The following SVIL variants were observed in gnomAD, a reference collection of about 807,000 sequenced individuals.
The protein encoded by SVIL is archvillin.
SVIL carries 101 observed loss-of-function variants against 240.4 expected under a neutral mutation model. That is an observed-to-expected ratio of 0.42 (90% CI 0.36 to 0.50). The LOEUF is 0.50. Among genes scored for constraint, SVIL ranks in the 20% least tolerant of loss-of-function variants. The probability of loss-of-function intolerance (pLI) is 0.01; values close to 1 mark genes in which losing one functional copy is unlikely to be tolerated. For missense variants in SVIL, 2,512 were observed against 2,818.7 expected, an observed-to-expected ratio of 0.89 and a Z score of 2.46; for synonymous variants, 999 against 1,100.0, an observed-to-expected ratio of 0.91 and a Z score of 1.82.
intron 17 of SVIL, among the ~76,000 whole-genome samples, chr10:29,507,526 C>A (rs1483077300): frequency 6.7e-6 from 1 of 149,788 alleles, no homozygotes; most frequent in Non-Finnish European, 1.5e-5. Context: ...CTTATAGACA[C>A]ACACACTCAC....
intron 1 of SVIL, among the ~76,000 whole-genome samples, chr10:29,725,720 G>A (rs1413244828): frequency 6.6e-6 from 1 of 152,138 alleles, no homozygotes; most frequent in African/African-American, 2.4e-5. Flanking sequence ...TCAGGCTGAT[G>A]GCCAGTTTCC....
chr10:29,630,513 G>T lies in SVIL; in HGVS notation c.-201+3907C>A, dbSNP rs954476287. On this transcript the variant is annotated intron_variant, in intron 1 of 37. Transcript: ENST00000355867. ...GAGATCAACAGTGCAAACTGCTCCT[G>T]AGATGTGTGACCCAAGTTGAAGTTG... 7.9e-5 allele frequency among the ~76,000 whole-genome samples: 12 copies of T among 152,130 alleles called. No homozygotes were observed. The East Asian group carries it at 2.3e-3, about 29-fold the overall frequency.
intron 1 of SVIL, among the ~76,000 whole-genome samples, chr10:29,571,503 CTAAGT>C (rs1034224169): frequency 6.6e-5 from 10 of 152,108 alleles, no homozygotes; most frequent in African/African-American, 2.2e-4. Flanking sequence ...CTGGCTTTGG[CTAAGT>C]TAAGTGAAGT....
chr10:29,714,697 T>C (rs1453125884), intron 1 of SVIL, among the ~76,000 whole-genome samples: 1 of 152,084 alleles, frequency 6.6e-6, no homozygotes, highest in Non-Finnish European at 1.5e-5. Context: ...TGGTGACTCA[T>C]GCCTGTAATC....
At chr10:29,720,711 A>T (rs1963919532) in intron 1 of SVIL, among the ~76,000 whole-genome samples, 1 of 152,246 alleles carries the variant, frequency 6.6e-6, no homozygotes, top group African/African-American at 2.4e-5. Flanking sequence ...TTAATCACAT[A>T]TGTAAAAGTA....
intron 18 of SVIL, among the ~76,000 whole-genome samples, chr10:29,495,541 A>C (rs1475913382): frequency 1.3e-5 from 2 of 152,240 alleles, no homozygotes. Context: ...TGCCATCTGC[A>C]GAATGAGCTG....
intron 1 of SVIL, among the ~76,000 whole-genome samples, chr10:29,612,532 C>A (rs747622075): frequency 3.3e-5 from 5 of 152,072 alleles, no homozygotes; most frequent in Non-Finnish European, 5.9e-5. Flanking sequence ...GCAGTGCTGT[C>A]CTCCCAGGGT....
In SVIL at chr10:29,719,730, A is replaced by G. The variant is rs147787407; in HGVS notation, c.-400+16021T>C. Among the ~76,000 whole-genome samples, 837 of 152,334 alleles carry G rather than the reference A, an allele frequency of 5.5e-3. 10 individuals carry two copies. Among genetic ancestry groups the G allele is most frequent in the African/African-American group, 0.019 (801 of 41,572 alleles). On this transcript the variant is annotated intron_variant, in intron 1 of 35. Transcript: ENST00000375400. ...GCAGGTAGACATTTCAGAAGAAAAGACTATTGAACTTGAAGACATAGCAAT... is the reference window on the plus strand; with the variant it reads ...GCAGGTAGACATTTCAGAAGAAAAGGCTATTGAACTTGAAGACATAGCAAT...
chr10:29,612,478 C>T (rs1040002280), intron 1 of SVIL, among the ~76,000 whole-genome samples: 7 of 152,056 alleles, frequency 4.6e-5, no homozygotes, highest in African/African-American at 9.7e-5. Context: ...ATCACTTGCA[C>T]GCTGATAAAG....
chr10:29,596,088 C>T (rs1171325842), intron 1 of SVIL, among the ~76,000 whole-genome samples: 2 of 152,230 alleles, frequency 1.3e-5, no homozygotes. Flanking sequence ...GCACCACACA[C>T]CCCTTCTCCT....
intron 2 of SVIL, among the ~76,000 whole-genome samples, chr10:29,679,892 A>G (rs1303778192): frequency 6.6e-6 from 1 of 151,904 alleles, no homozygotes; most frequent in African/African-American, 2.4e-5. Context: ...AGAAAAAAAA[A>G]AAAGTCCAGG....
intron 2 of SVIL, among the ~76,000 whole-genome samples, chr10:29,664,083 G>C (rs1005441230): frequency 3.3e-5 from 5 of 152,096 alleles, no homozygotes; most frequent in South Asian, 2.1e-4. Flanking sequence ...TGACAGCACA[G>C]GTTCTTAAAA....
intron 1 of SVIL, among the ~76,000 whole-genome samples, chr10:29,733,745 C>T (rs940353394): frequency 7.2e-5 from 11 of 152,346 alleles, no homozygotes; most frequent in Admixed American, 7.2e-4. Context: ...CATCAGCGTG[C>T]CTGGCTGCCT....
At chr10:29,466,492 G>A (rs1944943254) in intron 33 of SVIL, among the ~76,000 whole-genome samples, 1 of 152,166 alleles carries the variant, frequency 6.6e-6, no homozygotes, top group South Asian at 2.1e-4. Flanking sequence ...GACAAGCACA[G>A]CGGTTCCACA....
At chr10:29,665,596 C>T (rs1364485788) in intron 2 of SVIL, among the ~76,000 whole-genome samples, 1 of 152,096 alleles carries the variant, frequency 6.6e-6, no homozygotes, top group African/African-American at 2.4e-5. Flanking sequence ...GAGATCGAGA[C>T]CATCCTGGCT....
intron 1 of SVIL, among the ~76,000 whole-genome samples, chr10:29,586,997 A>T (rs1205141489): frequency 6.6e-6 from 1 of 152,192 alleles, no homozygotes; most frequent in African/African-American, 2.4e-5. Context: ...CCCATAACAC[A>T]TGTTTACCTA....
At chr10:29,513,541 A>C (rs796673507) in intron 16 of SVIL, among the ~76,000 whole-genome samples, 6 of 148,870 alleles carry the variant, frequency 4.0e-5, no homozygotes, top group African/African-American at 1.6e-4. Context: ...GTCTCAAAAA[A>C]CAAACAAACA....
intron 3 of SVIL, among the ~76,000 whole-genome samples, chr10:29,558,409 C>T (rs1217941391): frequency 6.6e-6 from 1 of 152,098 alleles, no homozygotes; most frequent in Non-Finnish European, 1.5e-5. Context: ...AAAAAAGTCT[C>T]CCCAGCAAAC....
chr10:29,498,932 GACT>G (rs1948665428), intron 18 of SVIL, among the ~76,000 whole-genome samples, 181 bp downstream of exon 18: 1 of 152,234 alleles, frequency 6.6e-6, no homozygotes. Context: ...AGTGAGCCAT[GACT>G]GAGCCACTGC....
Sources: allele counts gnomAD v4.1 joint callset (sites outside exome capture counted in the v4.1 genomes callset), GRCh38; gene constraint gnomAD v4.1.1; transcripts MANE v1.5; gene names NCBI Gene and HGNC (gene_info 2026-07-23, HGNC 2026-07-21).